The following UBR4 variants were observed in gnomAD, a reference collection of about 807,000 sequenced individuals.
UBR4 encodes the protein E3 ubiquitin-protein ligase UBR4.
In UBR4, 124 loss-of-function variants were observed where a neutral mutation model predicts 575.6. That is an observed-to-expected ratio of 0.22 (90% CI 0.19 to 0.25). The LOEUF is 0.25. Ranked by LOEUF, UBR4 falls within the 10% of genes least tolerant of loss-of-function variation. The pLI is 1.00. For missense variants in UBR4, 4,818 were observed against 6,478.8 expected (o/e 0.74, Z 8.80); for synonymous variants, 2,455 against 2,473.7 (o/e 0.99, Z 0.22).
At chr1:19,206,259 C>T (rs2093002440) in intron 1 of UBR4, among the ~76,000 whole-genome samples, 1 of 152,160 alleles carries the variant, frequency 6.6e-6, no homozygotes, top group Non-Finnish European at 1.5e-5. Context: ...ATCCCTTGAG[C>T]CCAGGAGTTT....
chr1:19,206,801 T>G (rs921235662), intron 1 of UBR4, among the ~76,000 whole-genome samples: 1 of 152,242 alleles, frequency 6.6e-6, no homozygotes, highest in Non-Finnish European at 1.5e-5. Context: ...AACTCATCCA[T>G]GTTGATCAAT....
intron 29 of UBR4, among the ~76,000 whole-genome samples, chr1:19,166,732 AAAAAAAAAAAAAAAAAAAAAAAAAC>A (rs2088521396): frequency 4.3e-5 from 2 of 46,602 alleles, no homozygotes; most frequent in Admixed American, 7.7e-4. Flanking sequence ...AAAAAAAAAA[AAAAAAAAAAAAAAAAAAAAAAAAAC>A]CAGCTGGGCA....
chr1:19,182,877 T>A (rs768748563), intron 17 of UBR4, among the ~76,000 whole-genome samples: 7 of 152,004 alleles, frequency 4.6e-5, no homozygotes, highest in African/African-American at 9.7e-5. Flanking sequence ...TTATTAAAAC[T>A]TTTTTTAAAT....
rs1052436309 is a variant in UBR4 at position 19,095,841 on chromosome 1, G to A, written c.13519-189C>T. ...ATGGCTGGGCTCTCACATTAGGCTG[G>A]TAGCTCCAATGGCGGGATATATCTC... is the stretch of plus-strand genomic sequence containing the variant. On this transcript the variant is annotated intron_variant, in intron 92 of 105. Transcript: ENST00000375254. 5 of 553,916 alleles carry A rather than the reference G, an allele frequency of 9.0e-6. No homozygotes were observed. In the African/African-American group the frequency reaches 9.5e-5, roughly 11 times the overall value. The allele number at this position is 553,916 out of a possible 1,614,324, so 34.3% of individuals were successfully genotyped here.
intron 103 of UBR4, 136 bp from the exon 104 acceptor site, chr1:19,078,202 T>A: frequency 1.1e-6 from 1 of 880,080 alleles, no homozygotes; most frequent in Non-Finnish European, 1.7e-6. Flanking sequence ...AGCCTTCTGC[T>A]TGGAAAAAAG....
rs1212888873 is a variant in UBR4, at chr1:19,124,475, G to A, written c.9588+66C>T. ...CCAAGTAAGGATGAGGAAGAAAGGG[G>A]CCCACAGAGGTGAATGCAGATGTGT... On this transcript the variant is annotated intron_variant, in intron 65 of 105. Coordinates refer to ENST00000375254, the MANE Select transcript of UBR4 (RefSeq NM_020765.3). 3.2e-6 allele frequency: 5 copies of A among 1,578,710 alleles called. No individual in the cohort carries two copies. The East Asian group carries it at 6.7e-5, about 21-fold the overall frequency.
chr1:19,118,005 A>G, intron 71 of UBR4, 95 bp from the exon 72 acceptor site: 2 of 1,151,530 alleles, frequency 1.7e-6, no homozygotes, highest in Non-Finnish European at 2.6e-6. Context: ...GCTCAATGTG[A>G]GCCAAAGTGA....
At chr1:19,098,803 TG>T (rs1470352148) in intron 90 of UBR4, among the ~76,000 whole-genome samples, 1 of 152,244 alleles carries the variant, frequency 6.6e-6, no homozygotes, top group Non-Finnish European at 1.5e-5. Context: ...CAGAAGTATT[TG>T]GGACCAAGTC....
intron 65 of UBR4, 170 bp downstream of exon 65, chr1:19,124,371 A>C: frequency 2.4e-6 from 2 of 821,544 alleles, no homozygotes. Flanking sequence ...CACATCTCCC[A>C]CAGTTCTACC....
At chr1:19,147,734 T>C (rs2150169814) in intron 51 of UBR4, among the ~76,000 whole-genome samples, 1 of 152,216 alleles carries the variant, frequency 6.6e-6, no homozygotes, top group South Asian at 2.1e-4. Context: ...TCAATATCCC[T>C]CCTTCTCTTT....
intron 52 of UBR4, among the ~76,000 whole-genome samples, chr1:19,146,324 A>C (rs2084864785): frequency 6.6e-6 from 1 of 152,226 alleles, no homozygotes; most frequent in Admixed American, 6.5e-5. Flanking sequence ...GAGCATGTAA[A>C]TAACACAGAA....
At chr1:19,084,767 A>G in intron 101 of UBR4, 69 bp from the exon 102 acceptor site, 1 of 1,470,042 alleles carries the variant, frequency 6.8e-7, no homozygotes, top group Non-Finnish European at 9.3e-7. Flanking sequence ...TGGGAGACAG[A>G]GCCTCCTTCC....
chr1:19,167,272 C>T, intron 28 of UBR4, 41 bp from the exon 29 acceptor site: 1 of 1,605,184 alleles, frequency 6.2e-7, no homozygotes, highest in South Asian at 1.1e-5. Context: ...GAATACACTC[C>T]TCCAAAAAGC....
intron 103 of UBR4, chr1:19,079,588 T>C (rs1045869689): frequency 6.6e-6 from 1 of 152,284 alleles, no homozygotes; most frequent in Admixed American, 6.5e-5. Context: ...CATTTCTGTG[T>C]CTCTGCTACT....
chr1:19,123,133 C>T, intron 65 of UBR4, 73 bp from the exon 66 acceptor site: 1 of 1,505,658 alleles, frequency 6.6e-7, no homozygotes, highest in African/African-American at 1.4e-5. Context: ...CTCTCACACC[C>T]TGGGTTTTAA....
Position 19,115,476 on chromosome 1 carries a change from C to T in UBR4, c.10985G>A (p.Arg3662His). The change falls in exon 74 of 106, where the codon CGC (arginine) becomes CAC (histidine). Residue 3662 changes from arginine to histidine, a missense_variant. Arg to His is a conservative substitution (Grantham distance 29). Around this residue, in one of 29 missense-constraint regions of UBR4, gnomAD observed 10 missense variants for 65.4 expected, o/e 0.15. Coordinates refer to ENST00000375254, the MANE Select transcript of UBR4 (RefSeq NM_020765.3). ...GTTGGCAGGGACCGAGGCACTACAG[C>T]GAGGGCACTGCAGGGTCTCTGTGGA... ...QASTETLQCP[R>H]CSASVPANPG... 6.2e-7 allele frequency: 1 copy of T among 1,614,176 alleles called. No individual in the cohort carries two copies. The highest frequency in any genetic ancestry group is 8.5e-7 in the Non-Finnish European group (1 of 1,180,030).
At chr1:19,113,637 G>A in intron 77 of UBR4, 62 bp downstream of exon 77, 4 of 1,599,096 alleles carry the variant, frequency 2.5e-6, no homozygotes, top group Non-Finnish European at 3.4e-6. Context: ...CAGGACTGCT[G>A]TGAAAACAAC....
chr1:19,097,380 G>T, intron 90 of UBR4, 100 bp from the exon 91 acceptor site: 1 of 926,700 alleles, frequency 1.1e-6, no homozygotes, highest in Non-Finnish European at 1.5e-6. Context: ...AATGTGGAGA[G>T]CCTCTATTTT....
At chr1:19,135,392 T>C (rs1206927877) in intron 60 of UBR4, among the ~76,000 whole-genome samples, 1 of 152,226 alleles carries the variant, frequency 6.6e-6, no homozygotes, top group African/African-American at 2.4e-5. Flanking sequence ...CTAATCGACA[T>C]AAATGTTAGT....
Sources: gnomAD v4.1 joint callset for allele counts (sites outside exome capture counted in the v4.1 genomes callset) on GRCh38, gnomAD v4.1.1 for gene constraint, gnomAD v4.1.1 regional missense constraint, MANE v1.5 for transcripts, NCBI Gene and HGNC (gene_info 2026-07-23, HGNC 2026-07-21) for gene names.